TPRG1: variants seen among roughly 807,000 people sequenced by gnomAD.
The protein encoded by TPRG1 is tumor protein p63 regulated 1, also known as tumor protein p63-regulated gene 1 protein.
Under a neutral mutation model 29.3 loss-of-function variants are expected in TPRG1, and 29 were observed. That is an observed-to-expected ratio of 0.99 (90% CI 0.74 to 1.35). The LOEUF is 1.35. Among genes scored for constraint, TPRG1 ranks in the 40% most tolerant of loss-of-function variants. The probability of loss-of-function intolerance (pLI) is 0.00; values close to 1 mark genes in which losing one functional copy is unlikely to be tolerated. For missense variants in TPRG1, 327 were observed against 335.0 expected, an observed-to-expected ratio of 0.98 and a Z score of 0.19; for synonymous variants, 130 against 116.8, an observed-to-expected ratio of 1.11 and a Z score of -0.73.
chr3:189,022,965 A>G (rs1219383537), intron 3 of TPRG1, among the ~76,000 whole-genome samples: 1 of 152,178 alleles, frequency 6.6e-6, no homozygotes, highest in Non-Finnish European at 1.5e-5. Context: ...AAAGCGCAGT[A>G]TTCGGGTGGG....
At chr3:189,208,560 G>A (rs1045715571) in intron 2 of TPRG1, among the ~76,000 whole-genome samples, 3 of 152,242 alleles carry the variant, frequency 2.0e-5, no homozygotes, top group Admixed American at 6.5e-5. Flanking sequence ...TTTAACTAAA[G>A]CAACTTAACG....
At chr3:189,277,261 A>G (rs532744447) in intron 4 of TPRG1, among the ~76,000 whole-genome samples, 40 of 152,290 alleles carry the variant, frequency 2.6e-4, no homozygotes, top group African/African-American at 8.9e-4. Context: ...ACTTACTCCA[A>G]ACATAATTAT....
At chr3:189,186,144 C>T (rs1340557727) in intron 1 of TPRG1, among the ~76,000 whole-genome samples, 28 of 152,052 alleles carry the variant, frequency 1.8e-4, no homozygotes. Flanking sequence ...AATCTTTGTT[C>T]TATGTGAGAT....
At chr3:189,253,113 G>A (rs148362770) in intron 4 of TPRG1, among the ~76,000 whole-genome samples, 1 of 152,146 alleles carries the variant, frequency 6.6e-6, no homozygotes, top group African/African-American at 2.4e-5. Flanking sequence ...TGTTACATAG[G>A]TATACATGTA....
At chr3:189,242,586 TA>T (rs1740793970) in intron 4 of TPRG1, among the ~76,000 whole-genome samples, 1 of 152,174 alleles carries the variant, frequency 6.6e-6, no homozygotes, top group Non-Finnish European at 1.5e-5. Context: ...TTTCATTTTT[TA>T]AAATGTTTTT....
intron 5 of TPRG1, among the ~76,000 whole-genome samples, chr3:189,313,814 C>A (rs1315812310): frequency 6.6e-6 from 1 of 152,010 alleles, no homozygotes; most frequent in Non-Finnish European, 1.5e-5. Context: ...TTTAAGAGTT[C>A]TAATTAACTG....
rs73199100 is a variant in TPRG1 at position 189,014,338 on chromosome 3, C to G, written c.-659-9412C>G. Among the ~76,000 whole-genome samples, 958 of 152,208 alleles carry G rather than the reference C, an allele frequency of 6.3e-3. 6 individuals carry two copies. Among genetic ancestry groups the G allele is most frequent in the Non-Finnish European group, 0.01 (682 of 67,988 alleles). On this transcript the variant is annotated intron_variant, in intron 3 of 10. Coordinates refer to the TPRG1 transcript ENST00000433971. Reference sequence around the variant, plus strand: ...TTTAAGAAAGTTGAATACTGGCCCCCTATCTCTTCTGGCTTGTAGGGTTTC... The same window carrying G: ...TTTAAGAAAGTTGAATACTGGCCCCGTATCTCTTCTGGCTTGTAGGGTTTC...
chr3:189,070,045 C>T (rs1716714718), intron 4 of TPRG1, among the ~76,000 whole-genome samples: 1 of 152,042 alleles, frequency 6.6e-6, no homozygotes, highest in Admixed American at 6.6e-5. Flanking sequence ...CACGCCACTG[C>T]ACTCCAGCCT....
Position 189,017,386 on chromosome 3 carries a change from C to A in TPRG1, c.-659-6364C>A, listed in dbSNP as rs934218033. ...CAGTGCTATCCCTACCTGCTCCCCC[C>A]ACCTCACAACAGTCCCCAGAGTGTG... On this transcript the variant is annotated intron_variant, in intron 3 of 10. Transcript: ENST00000433971. 1.3e-4 allele frequency among the ~76,000 whole-genome samples: 20 copies of A among 152,178 alleles called. 3 individuals are homozygous for A. The highest frequency in any genetic ancestry group is 6.5e-5 in the Admixed American group (1 of 15,274).
At chr3:189,208,115 A>G (rs1306785181) in intron 2 of TPRG1, among the ~76,000 whole-genome samples, 1 of 152,214 alleles carries the variant, frequency 6.6e-6, no homozygotes, top group African/African-American at 2.4e-5. Context: ...TTACCTGTGC[A>G]ATGGAGCTGG....
intron 4 of TPRG1, among the ~76,000 whole-genome samples, chr3:189,272,658 G>A (rs763561883): frequency 1.6e-4 from 23 of 145,054 alleles, no homozygotes; most frequent in Non-Finnish European, 2.9e-4. Flanking sequence ...TCCTTCCTTC[G>A]TTTCTTTCTT....
chr3:189,250,815 T>C (rs1037281967), intron 4 of TPRG1, among the ~76,000 whole-genome samples: 4 of 151,516 alleles, frequency 2.6e-5, no homozygotes, highest in Non-Finnish European at 5.9e-5. Context: ...GTAATGTTGA[T>C]GCTGTTTTCA....
At position 189,017,947 on chromosome 3, in the gene TPRG1, T is replaced by C. The variant is rs1448056592; in HGVS notation, c.-659-5803T>C. On this transcript the variant is annotated intron_variant, in intron 3 of 10. Transcript: ENST00000433971. ...CTAACTGGTGTGAGATGGTATCTCATTGTGGTTTTGATTTGCATTTCTCTG... is the reference window on the plus strand; with the variant it reads ...CTAACTGGTGTGAGATGGTATCTCACTGTGGTTTTGATTTGCATTTCTCTG... 3.1e-3 allele frequency among the ~76,000 whole-genome samples: 463 copies of C among 151,268 alleles called. 1 individual carries two copies. The highest frequency in any genetic ancestry group is 0.011 in the African/African-American group (434 of 41,324).
chr3:189,119,464 G>A (rs1374490441), intron 1 of TPRG1, among the ~76,000 whole-genome samples: 3 of 152,198 alleles, frequency 2.0e-5, no homozygotes, highest in African/African-American at 7.2e-5. Context: ...GTTTTGAAAT[G>A]TGAGGACATG....
At chr3:189,036,036 G>C (rs192368074) in intron 4 of TPRG1, among the ~76,000 whole-genome samples, 4 of 152,086 alleles carry the variant, frequency 2.6e-5, no homozygotes, top group Admixed American at 2.6e-4. Flanking sequence ...CCCATTACTA[G>C]TGGATTGGAT....
intron 2 of TPRG1, among the ~76,000 whole-genome samples, chr3:189,207,982 G>A (rs904774985): frequency 1.1e-4 from 17 of 152,214 alleles, no homozygotes; most frequent in African/African-American, 4.1e-4. Flanking sequence ...GGATAATGGA[G>A]TGGAGAGGGT....
intron 4 of TPRG1, among the ~76,000 whole-genome samples, chr3:189,036,298 A>G (rs1714264879): frequency 6.6e-6 from 1 of 152,200 alleles, no homozygotes; most frequent in South Asian, 2.1e-4. Flanking sequence ...TTGAGAAACT[A>G]CTAGTGTAAA....
chr3:189,125,856 TG>T, intron 1 of TPRG1, among the ~76,000 whole-genome samples: 2 of 149,126 alleles, frequency 1.3e-5, no homozygotes, highest in East Asian at 1.9e-4. Context: ...TGTGTGTGTG[TG>T]TGTGTGTGTG....
At chr3:189,289,886 G>A (rs866830367) in intron 4 of TPRG1, among the ~76,000 whole-genome samples, 1 of 152,216 alleles carries the variant, frequency 6.6e-6, no homozygotes, top group African/African-American at 2.4e-5. Flanking sequence ...AGTTGTTATA[G>A]CTACTACAAG....
Sources: allele counts gnomAD v4.1 joint callset (sites outside exome capture counted in the v4.1 genomes callset), GRCh38; gene constraint gnomAD v4.1.1; transcripts MANE v1.5; gene names NCBI Gene and HGNC (gene_info 2026-07-23, HGNC 2026-07-21).